Variants in ALDH16A1 observed in about 807,000 individuals in gnomAD.
ALDH16A1 encodes aldehyde dehydrogenase family 16 member A1.
In ALDH16A1, 88 loss-of-function variants were observed where a neutral mutation model predicts 96.1. The ratio of observed to expected loss-of-function variants is 0.92; its 90% CI spans 0.77 to 1.09. ALDH16A1 has a LOEUF of 1.09. ALDH16A1 is among the 50% of genes least tolerant of loss of function. ALDH16A1 has a pLI of 0.00. For synonymous variants in ALDH16A1, 522 were observed against 496.4 expected (o/e 1.05, Z -0.69); for missense variants, 1,250 against 1,112.6 (o/e 1.12, Z -1.76).
In ALDH16A1 at chr19:49,459,255, C is replaced by T. The variant is rs1229783087; in HGVS notation, c.320+169C>T. 1.3e-5 allele frequency among the ~76,000 whole-genome samples: 2 copies of T among 152,326 alleles called. No individual in the cohort carries two copies. Among genetic ancestry groups the T allele is most frequent in the East Asian group, 3.9e-4 (2 of 5,184 alleles). On this transcript the variant is annotated intron_variant, in intron 3 of 16. Transcript: ENST00000293350. The surrounding 1 kb of genome is among the most constrained non-coding windows in gnomAD (Gnocchi z 4.1). ...GTGGCTGAAACATGCATCCGTTGTC[C>T]ACTATTCACTGGGACTAGAAGCCAC...
intron 14 of ALDH16A1, among the ~76,000 whole-genome samples, chr19:49,466,995 A>C (rs149891196): frequency 0.013 from 1,935 of 152,280 alleles, 46 homozygotes; most frequent in African/African-American, 0.044. Flanking sequence ...AACACAGTGA[A>C]ACCCTGTCTC....
At chr19:49,458,683 G>A in intron 2 of ALDH16A1, 95 bp downstream of exon 2, 1 of 1,342,420 alleles carries the variant, frequency 7.4e-7, no homozygotes, top group Admixed American at 2.0e-5. Flanking sequence ...GGGCCCTGAG[G>A]GCAGGAAACA....
At position 49,468,036 on chromosome 19, in the gene ALDH16A1, T is replaced by C. The variant is rs1388806085; in HGVS notation, c.1939-345T>C. On this transcript the variant is annotated intron_variant, in intron 14 of 16. Transcript: ENST00000293350. The surrounding 1 kb of genome is among the most constrained non-coding windows in gnomAD (Gnocchi z 4.4). ...TTAGCCGGGCATGGTGGCAGGTGCC[T>C]GTAGTCTCAGCTACTCAGGAGACTG... 1.3e-5 allele frequency among the ~76,000 whole-genome samples: 2 copies of C among 150,826 alleles called. No individual in the cohort carries two copies. Among genetic ancestry groups the C allele is most frequent in the South Asian group, 2.1e-4 (1 of 4,770 alleles).
Position 49,464,437 on chromosome 19 carries a change from G to A in ALDH16A1, c.1352G>A (p.Trp451Ter), listed in dbSNP as rs144710024. The A allele has an allele frequency of 3.5e-5, 56 of 1,606,260 alleles. No individual in the cohort carries two copies. Among genetic ancestry groups the A allele is most frequent in the Non-Finnish European group, 4.5e-5 (53 of 1,176,884 alleles). ...LGYGLQVGTVWINAHGLRDPS... is the reference protein window; with the variant it reads ...LGYGLQVGTV The stretch of plus-strand genomic sequence containing the variant: ...CACAGGCTCCAGGTGGGCACTGTCT[G>A]GATCAACGCCCACGGCCTCAGAGAC... Residue 451 changes from tryptophan to a stop codon, truncating the protein, a stop_gained, in exon 11 of 17, where the codon TGG (tryptophan) becomes TAG (stop). Transcript: ENST00000293350. LOFTEE classifies it high-confidence loss of function.
At chr19:49,466,361 C>T (rs1365256679) in intron 14 of ALDH16A1, 78 bp downstream of exon 14, 1 of 1,384,450 alleles carries the variant, frequency 7.2e-7, no homozygotes, top group African/African-American at 1.5e-5. Flanking sequence ...ATAACCCAGG[C>T]TTGGAATTCG....
chr19:49,455,430 A>G (rs899989111), intron 1 of ALDH16A1, among the ~76,000 whole-genome samples: 1 of 14,402 alleles, frequency 6.9e-5, no homozygotes, highest in Admixed American at 5.3e-4. Context: ...AAAAAAAAAA[A>G]AAAAAAAAGG....
chr19:49,455,486 A>C lies in ALDH16A1; in HGVS notation c.90+2065A>C, dbSNP rs1393742861. ...GCCGAGGATGGCAGCACACACCTGT[A>C]GTCCCAGCTACCCGGGAGGCTGAGG... On this transcript the variant is annotated intron_variant, in intron 1 of 16. Transcript: ENST00000293350. 2.6e-5 allele frequency among the ~76,000 whole-genome samples: 4 copies of C among 151,736 alleles called. No homozygotes were observed. The South Asian group carries it at 8.3e-4, about 32-fold the overall frequency.
chr19:49,464,580 G>A (rs1429916191), intron 11 of ALDH16A1, 52 bp from the exon 12 acceptor site: 60 of 1,612,014 alleles, frequency 3.7e-5, no homozygotes, highest in Admixed American at 5.0e-5. Context: ...CTTGACACTC[G>A]CATCCGGCCT....
At chr19:49,453,994 A>G (rs2122356694) in intron 1 of ALDH16A1, among the ~76,000 whole-genome samples, 1 of 148,972 alleles carries the variant, frequency 6.7e-6, no homozygotes, top group South Asian at 2.1e-4. Context: ...AGCCTAGAAT[A>G]CATCAGGACT....
At position 49,458,564 on chromosome 19, in the gene ALDH16A1, G is replaced by A; in HGVS notation, c.169G>A (p.Val57Met). 1 of 1,562,488 alleles carries A rather than the reference G, an allele frequency of 6.4e-7. No homozygotes were observed. The highest frequency in any genetic ancestry group is 8.7e-7 in the Non-Finnish European group (1 of 1,151,428). Residue 57 changes from valine to methionine, a missense_variant, in exon 2 of 17, where the codon GTG (valine) becomes ATG (methionine). Coordinates refer to ENST00000293350, the MANE Select transcript of ALDH16A1 (RefSeq NM_153329.4). ...KWLKPEHRNS[V>M]PCQDPITGEN... The stretch of plus-strand genomic sequence containing the variant: ...GTTAAAGCCTGAACACAGAAATTCA[G>A]TGCCTTGCCAGGATCCCATCACAGG...
At position 49,467,538 on chromosome 19, in the gene ALDH16A1, G is replaced by A. The variant is rs544779508; in HGVS notation, c.1939-843G>A. Reference sequence around the variant, plus strand: ...GCCTTCCGAGTGGCTGGGACTACAGGTGCCCACCACCACACCCGGCTAATT... The same window carrying A: ...GCCTTCCGAGTGGCTGGGACTACAGATGCCCACCACCACACCCGGCTAATT... On this transcript the variant is annotated intron_variant, in intron 14 of 16. Coordinates refer to ENST00000293350, the MANE Select transcript of ALDH16A1 (RefSeq NM_153329.4). 1.1e-4 allele frequency among the ~76,000 whole-genome samples: 17 copies of A among 151,536 alleles called. No individual in the cohort carries two copies. In the South Asian group the frequency reaches 2.3e-3, roughly 20 times the overall value.
intron 10 of ALDH16A1, 26 bp from the exon 11 acceptor site, chr19:49,464,391 G>C (rs2079180108): frequency 1.3e-6 from 2 of 1,581,372 alleles, no homozygotes; most frequent in African/African-American, 2.7e-5. Flanking sequence ...GTTTTCCTCT[G>C]TTGGACACCT....
At position 49,461,510 on chromosome 19, in the gene ALDH16A1, T is replaced by C. The variant is rs1365583075; in HGVS notation, c.578-109T>C. 5 of 329,736 alleles carry C rather than the reference T, an allele frequency of 1.5e-5. 1 individual carries two copies. The highest frequency in any genetic ancestry group is 2.5e-5 in the Non-Finnish European group (5 of 199,530). The allele number at this position is 329,736 out of a possible 1,614,324, so 20.4% of individuals were successfully genotyped here. A position where few individuals can be genotyped will look rare whatever the true frequency, so the allele number is the denominator to read the frequency against. On this transcript the variant is annotated intron_variant, in intron 5 of 16. Coordinates refer to ENST00000293350, the MANE Select transcript of ALDH16A1 (RefSeq NM_153329.4). The stretch of plus-strand genomic sequence containing the variant: ...GTCTGAGGGAGGAGGGGCTGGAGTC[T>C]GGACTCCTGGGTCTGAGGGAGGAGG...
At position 49,464,160 on chromosome 19, in the gene ALDH16A1, C is replaced by G. The variant is rs188710863; in HGVS notation, c.1228C>G (p.Arg410Gly). The change falls in exon 10 of 17, where the codon CGC becomes GGC. Residue 410 changes from arginine to glycine, a missense_variant. Transcript: ENST00000293350. The stretch of plus-strand genomic sequence containing the variant: ...GCCTGTGGTCGTGGCCTCCCCCTTC[C>G]GCACAGCCAAGGAGGCACTGTTGGT... ...PWPVVVASPF[R>G]TAKEALLVAN... is the part of the protein sequence containing the mutation. 1 of 1,608,892 alleles carries G rather than the reference C, an allele frequency of 6.2e-7. No homozygotes were observed. Among genetic ancestry groups the G allele is most frequent in the South Asian group, 1.1e-5 (1 of 90,990 alleles).
At chr19:49,457,542 T>C (rs999492272) in intron 1 of ALDH16A1, among the ~76,000 whole-genome samples, 34 of 98,578 alleles carry the variant, frequency 3.4e-4, no homozygotes, top group Non-Finnish European at 6.5e-4. Flanking sequence ...AGCAAGACTC[T>C]GTCTCAAACA....
chr19:49,465,478 G>T (rs2122413212), intron 12 of ALDH16A1, among the ~76,000 whole-genome samples: 1 of 150,810 alleles, frequency 6.6e-6, no homozygotes, highest in African/African-American at 2.4e-5. Flanking sequence ...AGAGGCTCAT[G>T]GGAGCAGGAA....
At chr19:49,458,842 C>A in intron 2 of ALDH16A1, 118 bp from the exon 3 acceptor site, 1 of 1,406,218 alleles carries the variant, frequency 7.1e-7, no homozygotes, top group Non-Finnish European at 9.7e-7. Flanking sequence ...CGTGACCCAG[C>A]AGAGAATGGG....
chr19:49,466,206 G>T lies in ALDH16A1; in HGVS notation c.1861G>T (p.Glu621Ter). ...ERQGAELKAA[E>*]AEVELSARRL... ...GCAGGGAGCGGAGCTCAAGGCTGCG[G>T]AGGCGGAGGTGGAGCTGAGCGCAAG... The change falls in exon 14 of 17, where the codon GAG becomes TAG. Residue 621 changes from glutamate to a stop codon, truncating the protein, a stop_gained. Coordinates refer to ENST00000293350, the MANE Select transcript of ALDH16A1 (RefSeq NM_153329.4). LOFTEE classifies it high-confidence loss of function. 1 of 1,537,536 alleles carries T rather than the reference G, an allele frequency of 6.5e-7. No individual in the cohort carries two copies.
chr19:49,466,181 G>A lies in ALDH16A1; in HGVS notation c.1836G>A (p.Arg612=). Reference sequence around the variant, plus strand: ...CTACCCTGGCCTCGAGGCTGGAGAGGCAGGGAGCGGAGCTCAAGGCTGCGG... The same window carrying A: ...CTACCCTGGCCTCGAGGCTGGAGAGACAGGGAGCGGAGCTCAAGGCTGCGG... ...RKSTLASRLE[R]QGAELKAAEA... Residue 612 remains arginine (R), a synonymous_variant, in exon 14 of 17, where the codon AGG becomes AGA. Transcript: ENST00000293350. The A allele has an allele frequency of 6.4e-7, 1 of 1,555,568 alleles. No homozygotes were observed. Among genetic ancestry groups the A allele is most frequent in the Middle Eastern group, 1.7e-4 (1 of 5,860 alleles).
Sources: gnomAD v4.1 joint callset for allele counts (sites outside exome capture counted in the v4.1 genomes callset) on GRCh38, gnomAD v4.1.1 for gene constraint, Gnocchi (gnomAD v3.1) non-coding constraint, MANE v1.5 for transcripts, NCBI Gene and HGNC (gene_info 2026-07-23, HGNC 2026-07-21) for gene names.